Variants in PIEZO2 observed in about 807,000 individuals in gnomAD.
PIEZO2 encodes piezo type mechanosensitive ion channel component 2.
Under a neutral mutation model 337.3 loss-of-function variants are expected in PIEZO2, and 172 were observed. That is an observed-to-expected ratio of 0.51 (90% CI 0.45 to 0.58). The LOEUF is 0.58. PIEZO2 is among the 20% of genes least tolerant of loss of function. The pLI is 0.00. For synonymous variants in PIEZO2, 1,251 were observed against 1,228.5 expected (o/e 1.02, Z -0.38); for missense variants, 3,028 against 3,391.3 (o/e 0.89, Z 2.66).
rs375659652 is a variant in PIEZO2 at position 10,746,617 on chromosome 18, C to T, written c.4424+1854G>A. 1.2e-4 allele frequency among the ~76,000 whole-genome samples: 18 copies of T among 152,286 alleles called. No homozygotes were observed. Among genetic ancestry groups the T allele is most frequent in the African/African-American group, 3.9e-4 (16 of 41,554 alleles). Reference sequence around the variant, plus strand: ...ATTCACATGTGGAAATCCTGACTCCCAAGGTGACGGACAGGAGGTAAGGCC... The same window carrying T: ...ATTCACATGTGGAAATCCTGACTCCTAAGGTGACGGACAGGAGGTAAGGCC... On this transcript the variant is annotated intron_variant, in intron 30 of 55. Transcript: ENST00000674853. This position sits in a 1 kb window ranked among gnomAD's most constrained non-coding sequence, Gnocchi z 4.2.
chr18:10,813,388 A>G lies in PIEZO2; in HGVS notation c.918-6114T>C, dbSNP rs941732135. ...CTTGCAAAACTAAAATTCTGTACAC[A>G]TTAAATAAAAACTCCCTATTCCCTT... On this transcript the variant is annotated intron_variant, in intron 7 of 55. Transcript: ENST00000674853. The surrounding 1 kb of genome is among the most constrained non-coding windows in gnomAD (Gnocchi z 4.2). Among the ~76,000 whole-genome samples the G allele has an allele frequency of 2.6e-5, 4 of 152,234 alleles. No homozygotes were observed. Among genetic ancestry groups the G allele is most frequent in the African/African-American group, 9.7e-5 (4 of 41,448 alleles).
Position 11,125,744 on chromosome 18 carries a change from C to T in PIEZO2, c.64+22781G>A, listed in dbSNP as rs1223144384. Among the ~76,000 whole-genome samples the T allele has an allele frequency of 1.3e-5, 2 of 152,192 alleles. No individual in the cohort carries two copies. Among genetic ancestry groups the T allele is most frequent in the South Asian group, 2.1e-4 (1 of 4,826 alleles). ...TTCCAGCCCCCACTGACAGCAACTCCGGATCCTCTCTCTGAGCAGTGCCAA... is the reference window on the plus strand; with the variant it reads ...TTCCAGCCCCCACTGACAGCAACTCTGGATCCTCTCTCTGAGCAGTGCCAA... On this transcript the variant is annotated intron_variant, in intron 1 of 55. Transcript: ENST00000674853. This position sits in a 1 kb window ranked among gnomAD's most constrained non-coding sequence, Gnocchi z 4.4.
chr18:10,741,203 A>G, intron 32 of PIEZO2, 101 bp from the exon 33 acceptor site: 1 of 1,057,286 alleles, frequency 9.5e-7, no homozygotes, highest in Non-Finnish European at 1.3e-6. Context: ...GGTAAATTGC[A>G]AAAGTATATC....
rs1282533692 is a variant in PIEZO2, at chr18:11,045,216, G to A, written c.160+20911C>T. 3.4e-5 allele frequency among the ~76,000 whole-genome samples: 5 copies of A among 146,664 alleles called. No individual in the cohort carries two copies. The East Asian group carries it at 8.2e-4, about 24-fold the overall frequency. On this transcript the variant is annotated intron_variant, in intron 2 of 55. Coordinates refer to ENST00000674853, the MANE Select transcript of PIEZO2 (RefSeq NM_001378183.1). ...GGAGGCTGAGGCAGCAAGTAGAATG[G>A]CGTGAACCCGGGAGGCAGAGCTTGC...
rs2103268 is a variant in PIEZO2 at position 10,766,207 on chromosome 18, A to G, written c.2947-3109T>C. 0.81 allele frequency among the ~76,000 whole-genome samples: 121,838 copies of G among 150,816 alleles called. 49,363 individuals carry two copies. Among genetic ancestry groups the G allele is most frequent in the East Asian group, 0.91 (4,602 of 5,048 alleles). Reference sequence around the variant, plus strand: ...CTGATGGTAAGAATCTCGTGGAAGGAAAGAAGAAGAAAGAAGGAGGAACAG... The same window carrying G: ...CTGATGGTAAGAATCTCGTGGAAGGGAAGAAGAAGAAAGAAGGAGGAACAG... On this transcript the variant is annotated intron_variant, in intron 21 of 55. Coordinates refer to ENST00000674853, the MANE Select transcript of PIEZO2 (RefSeq NM_001378183.1). This position sits in a 1 kb window ranked among gnomAD's most constrained non-coding sequence, Gnocchi z 6.1.
chr18:11,057,173 C>T lies in PIEZO2; in HGVS notation c.160+8954G>A, dbSNP rs141281132. 4.8e-3 allele frequency among the ~76,000 whole-genome samples: 728 copies of T among 152,220 alleles called. 1 individual carries two copies. Among genetic ancestry groups the T allele is most frequent in the Middle Eastern group, 0.014 (4 of 294 alleles). ...CTCCTGGATGGCTCTCGTTCTTGAG[C>T]TCTGTTCATGCTGCCCCTTTGGCTC... is the stretch of plus-strand genomic sequence containing the variant. On this transcript the variant is annotated intron_variant, in intron 2 of 55. Coordinates refer to ENST00000674853, the MANE Select transcript of PIEZO2 (RefSeq NM_001378183.1).
intron 2 of PIEZO2, among the ~76,000 whole-genome samples, chr18:10,992,246 T>C (rs2035139179): frequency 6.6e-6 from 1 of 152,212 alleles, no homozygotes; most frequent in African/African-American, 2.4e-5. Context: ...TAGATCCCAT[T>C]TGTCAATTTT....
intron 7 of PIEZO2, among the ~76,000 whole-genome samples, chr18:10,814,176 A>G (rs28740992): frequency 0.14 from 21,360 of 151,754 alleles, 1,608 homozygotes; most frequent in East Asian, 0.22. Flanking sequence ...TCACTGTGTT[A>G]GCCAGGATGG....
chr18:11,068,489 GC>G (rs980484981), intron 1 of PIEZO2, among the ~76,000 whole-genome samples: 2 of 152,068 alleles, frequency 1.3e-5, no homozygotes, highest in Non-Finnish European at 2.9e-5. Context: ...CTTGGGATTA[GC>G]AAAATTGGAC....
At chr18:11,064,763 T>C (rs962797135) in intron 2 of PIEZO2, among the ~76,000 whole-genome samples, 3 of 152,230 alleles carry the variant, frequency 2.0e-5, no homozygotes, top group East Asian at 1.9e-4. Context: ...ATAAAAGTGA[T>C]AGGTAACTTA....
intron 4 of PIEZO2, among the ~76,000 whole-genome samples, chr18:10,885,088 A>G (rs999543412): frequency 6.6e-6 from 1 of 152,056 alleles, no homozygotes; most frequent in Non-Finnish European, 1.5e-5. Flanking sequence ...TTCCCGAAAA[A>G]CAGATGAATG....
Position 10,759,272 on chromosome 18 carries a change from T to C in PIEZO2, c.3757+210A>G, listed in dbSNP as rs958733460. Among the ~76,000 whole-genome samples the C allele has an allele frequency of 1.3e-5, 2 of 152,026 alleles. No individual in the cohort carries two copies. The highest frequency in any genetic ancestry group is 4.8e-5 in the African/African-American group (2 of 41,374). ...GGAAGTGAAATTATGCAAGTGAATA[T>C]GGCATTTCCAACACTGATTTATTAA... On this transcript the variant is annotated intron_variant, in intron 26 of 55. Coordinates refer to ENST00000674853, the MANE Select transcript of PIEZO2 (RefSeq NM_001378183.1). The surrounding 1 kb of genome is among the most constrained non-coding windows in gnomAD (Gnocchi z 5.5).
At position 10,672,774 on chromosome 18, in the gene PIEZO2, T is replaced by C. The variant is rs1824319047; in HGVS notation, c.8261A>G (p.Tyr2754Cys). ...TTCCAGGGCCTGAGAGTTCGGATTG[T>C]ATATTCTGTTTCCAGTCAGGTTGAG... ...WVLNLTGNRIYNPNSQALELV... is the reference protein window; with the variant it reads ...WVLNLTGNRICNPNSQALELV... Residue 2754 changes from tyrosine to cysteine, a missense_variant, in exon 55 of 56, where the codon TAC becomes TGC. Tyr to Cys is a radical substitution (Grantham distance 194). This residue lies in a region of PIEZO2 where 332 missense variants were observed against 363.8 expected (regional missense o/e 0.91). Transcript: ENST00000674853. The surrounding 1 kb of genome is among the most constrained non-coding windows in gnomAD (Gnocchi z 4.7). 2 of 1,614,192 alleles carry C rather than the reference T, an allele frequency of 1.2e-6. No homozygotes were observed. The highest frequency in any genetic ancestry group is 1.7e-6 in the Non-Finnish European group (2 of 1,179,994).
In PIEZO2 at chr18:11,148,159, G is replaced by A. The variant is rs1336207346; in HGVS notation, c.64+366C>T. Reference sequence around the variant, plus strand: ...GTGCTTGCAGGGTCACTGGGGCGAGGGGCTCAGGTAGGAGCCTGACTGTAC... The same window carrying A: ...GTGCTTGCAGGGTCACTGGGGCGAGAGGCTCAGGTAGGAGCCTGACTGTAC... On this transcript the variant is annotated intron_variant, in intron 1 of 55. Coordinates refer to ENST00000674853, the MANE Select transcript of PIEZO2 (RefSeq NM_001378183.1). This position sits in a 1 kb window ranked among gnomAD's most constrained non-coding sequence, Gnocchi z 5.2. Among the ~76,000 whole-genome samples the A allele has an allele frequency of 6.6e-6, 1 of 152,162 alleles. No individual in the cohort carries two copies. Among genetic ancestry groups the A allele is most frequent in the African/African-American group, 2.4e-5 (1 of 41,438 alleles).
chr18:11,120,328 CA>C (rs1448939685), intron 1 of PIEZO2, among the ~76,000 whole-genome samples: 3 of 151,600 alleles, frequency 2.0e-5, no homozygotes, highest in African/African-American at 7.3e-5. Flanking sequence ...TTTTTTTTCT[CA>C]AAAAGATATG....
intron 11 of PIEZO2, among the ~76,000 whole-genome samples, chr18:10,800,015 C>T (rs188476052): frequency 1.3e-5 from 2 of 151,778 alleles, no homozygotes; most frequent in Admixed American, 1.3e-4. Context: ...AGGAAAACCA[C>T]TGACCATAAT....
At chr18:10,851,051 G>A (rs2041533466) in intron 7 of PIEZO2, among the ~76,000 whole-genome samples, 1 of 151,888 alleles carries the variant, frequency 6.6e-6, no homozygotes, top group African/African-American at 2.4e-5. Flanking sequence ...TGGAGTCTCC[G>A]TGGTTATGAA....
Position 11,148,398 on chromosome 18 carries a change from G to A in PIEZO2, c.64+127C>T. ...AGGCTGTGCACCAGGGACAGCGCGC[G>A]TCTGACGCCGCTGGCCTCCCGAATC... is the stretch of plus-strand genomic sequence containing the variant. On this transcript the variant is annotated intron_variant, in intron 1 of 55. Transcript: ENST00000674853. This position sits in a 1 kb window ranked among gnomAD's most constrained non-coding sequence, Gnocchi z 5.2. 1.9e-6 allele frequency: 2 copies of A among 1,079,886 alleles called. No individual in the cohort carries two copies. Among genetic ancestry groups the A allele is most frequent in the Non-Finnish European group, 1.3e-6 (1 of 747,016 alleles). 66.9% of individuals were successfully genotyped at this position (1,079,886 alleles called of 1,614,324 possible). A position where few individuals can be genotyped will look rare whatever the true frequency, so the allele number is the denominator to read the frequency against.
intron 3 of PIEZO2, among the ~76,000 whole-genome samples, chr18:10,913,043 G>A (rs1448253783): frequency 2.0e-5 from 3 of 151,634 alleles, no homozygotes; most frequent in Non-Finnish European, 4.4e-5. Context: ...TGGGTCCCAT[G>A]TGAATGTCTT....
Sources: allele counts gnomAD v4.1 joint callset (sites outside exome capture counted in the v4.1 genomes callset), GRCh38; gene constraint gnomAD v4.1.1; regional missense constraint gnomAD v4.1.1; non-coding constraint Gnocchi (gnomAD v3.1); transcripts MANE v1.5; gene names NCBI Gene and HGNC (gene_info 2026-07-23, HGNC 2026-07-21).